The following FAM217A variants were observed in gnomAD, a reference collection of about 807,000 sequenced individuals.
FAM217A encodes the protein family with sequence similarity 217 member A.
FAM217A carries 13 observed loss-of-function variants against 18.5 expected under a neutral mutation model. The observed-to-expected ratio is 0.70, with a 90% CI of 0.46 to 1.12. FAM217A has a LOEUF of 1.12. Ranked by LOEUF, FAM217A falls within the 50% of genes most tolerant of loss-of-function variation. FAM217A has a pLI of 0.00. For missense variants in FAM217A, 560 were observed against 575.4 expected (o/e 0.97, Z 0.27); for synonymous variants, 161 against 202.8 (o/e 0.79, Z 1.75).
At chr6:4,071,427 G>A (rs1230556375) in intron 6 of FAM217A, among the ~76,000 whole-genome samples, 1 of 152,086 alleles carries the variant, frequency 6.6e-6, no homozygotes, top group South Asian at 2.1e-4. Flanking sequence ...GTTCTGTTTA[G>A]TCCTCACAGC....
intron 2 of FAM217A, among the ~76,000 whole-genome samples, chr6:4,077,088 G>T (rs112176045): frequency 1.2e-4 from 19 of 152,286 alleles, no homozygotes; most frequent in Non-Finnish European, 2.4e-4. Flanking sequence ...AGCACTGCCT[G>T]GTTGATAACA....
At chr6:4,078,253 C>G (rs1399996087) in intron 1 of FAM217A, among the ~76,000 whole-genome samples, 3 of 151,950 alleles carry the variant, frequency 2.0e-5, no homozygotes, top group African/African-American at 7.3e-5. Flanking sequence ...GGGGTTTCAC[C>G]ATGTTGGCCA....
chr6:4,077,833 C>G (rs554150039), intron 1 of FAM217A, among the ~76,000 whole-genome samples: 11 of 152,276 alleles, frequency 7.2e-5, no homozygotes, highest in African/African-American at 2.6e-4. Context: ...CATTTGAAAG[C>G]AGGGTTGAAC....
chr6:4,075,491 C>T (rs1769721203), intron 2 of FAM217A, among the ~76,000 whole-genome samples: 1 of 152,068 alleles, frequency 6.6e-6, no homozygotes, highest in East Asian at 1.9e-4. Context: ...AGGAAATATT[C>T]AAAAGAAAGC....
chr6:4,078,049 CTTT>C (rs10600748), intron 1 of FAM217A, among the ~76,000 whole-genome samples: 3 of 113,992 alleles, frequency 2.6e-5, no homozygotes, highest in African/African-American at 1.1e-4. Context: ...GAAAGAATCA[CTTT>C]TTTTTTTTTT....
chr6:4,069,925 A>T lies in FAM217A; in HGVS notation c.303-5T>A. 1 of 1,533,298 alleles carries T rather than the reference A, an allele frequency of 6.5e-7. No homozygotes were observed. The highest frequency in any genetic ancestry group is 8.8e-7 in the Non-Finnish European group (1 of 1,130,726). The allele number at this position is 1,533,298 out of a possible 1,614,324, so 95.0% of individuals were successfully genotyped here. Reference sequence around the variant, plus strand: ...ACTGAAGATTTTTTGAATTCCCTTTAAAAAATAATTTAATTAATGAATGGT... The same window carrying T: ...ACTGAAGATTTTTTGAATTCCCTTTTAAAAATAATTTAATTAATGAATGGT... On this transcript the variant is annotated splice_polypyrimidine_tract_variant and splice_region_variant and intron_variant, in intron 6 of 6. Coordinates refer to ENST00000274673, the MANE Select transcript of FAM217A (RefSeq NM_173563.3).
intron 6 of FAM217A, among the ~76,000 whole-genome samples, chr6:4,070,828 A>T (rs1444340028): frequency 6.6e-6 from 1 of 151,988 alleles, no homozygotes; most frequent in Non-Finnish European, 1.5e-5. Context: ...AACATGGCAA[A>T]ATTCTTGTCT....
intron 1 of FAM217A, among the ~76,000 whole-genome samples, chr6:4,086,415 C>G: frequency 7.0e-6 from 1 of 142,882 alleles, no homozygotes; most frequent in East Asian, 2.0e-4. Context: ...CATTACACTC[C>G]TGCCTGGGCA....
Position 4,074,693 on chromosome 6 carries a change from A to G in FAM217A, c.61-32T>C, listed in dbSNP as rs757278201. On this transcript the variant is annotated intron_variant, in intron 2 of 6. Coordinates refer to ENST00000274673, the MANE Select transcript of FAM217A (RefSeq NM_173563.3). Reference sequence around the variant, plus strand: ...CAATATTTGTTTTAGGATAAACTTAACATTAAGAAAACATAAAAAGCTCAA... The same window carrying G: ...CAATATTTGTTTTAGGATAAACTTAGCATTAAGAAAACATAAAAAGCTCAA... 1.6e-5 allele frequency: 24 copies of G among 1,478,178 alleles called. No individual in the cohort carries two copies. The South Asian group carries it at 2.8e-4, about 17-fold the overall frequency. 91.6% of individuals were successfully genotyped at this position (1,478,178 alleles called of 1,614,324 possible). A position where few individuals can be genotyped will look rare whatever the true frequency, so the allele number is the denominator to read the frequency against.
chr6:4,083,288 C>T (rs967552627), upstream of FAM217A, among the ~76,000 whole-genome samples: 13 of 152,318 alleles, frequency 8.5e-5, no homozygotes, highest in African/African-American at 3.1e-4. Flanking sequence ...CTGACTACCA[C>T]GTAACTACTT....
intron 6 of FAM217A, among the ~76,000 whole-genome samples, chr6:4,072,673 A>G (rs1769508278): frequency 6.6e-6 from 1 of 151,848 alleles, no homozygotes; most frequent in Non-Finnish European, 1.5e-5. Context: ...GAGGCAGGAG[A>G]ATTGCTTCAA....
Position 4,074,638 on chromosome 6 carries a change from A to G in FAM217A, c.84T>C (p.Asp28=), listed in dbSNP as rs1471962565. The G allele has an allele frequency of 1.2e-6, 2 of 1,612,956 alleles. No individual in the cohort carries two copies. The change falls in exon 3 of 7, where the codon GAT becomes GAC. Residue 28 remains aspartate, a synonymous_variant. Coordinates refer to ENST00000274673, the MANE Select transcript of FAM217A (RefSeq NM_173563.3). ...TATTTTCAGAAACAGGTACTTCTGA[A>G]TCCAAATTCCAGTGAGATAAGTTCT... ...SQENLSHWNL[D]SEVPVSENKN...
rs1769177736 is a variant in FAM217A, at chr6:4,068,578, AC to A, written c.*117del. Reference sequence around the variant, plus strand: ...GTTCTACTCCATATCACATCAAGCAACTGTTTGGTGATTTTGGGGGACTGTT... The same window carrying A: ...GTTCTACTCCATATCACATCAAGCAATGTTTGGTGATTTTGGGGGACTGTT... On this transcript the variant is annotated 3_prime_UTR_variant, in exon 7 of 7. Coordinates refer to ENST00000274673, the MANE Select transcript of FAM217A (RefSeq NM_173563.3). The A allele has an allele frequency of 8.7e-7, 1 of 1,142,990 alleles. No homozygotes were observed. The highest frequency in any genetic ancestry group is 1.2e-6 in the Non-Finnish European group (1 of 813,900). 70.8% of individuals were successfully genotyped at this position (1,142,990 alleles called of 1,614,324 possible).
chr6:4,086,039 C>G (rs1234905254), intron 1 of FAM217A, among the ~76,000 whole-genome samples: 1 of 151,748 alleles, frequency 6.6e-6, no homozygotes, highest in African/African-American at 2.4e-5. Context: ...TGCTTGAGCC[C>G]AGGAGGTCGA....
chr6:4,081,791 A>G (rs530925139), upstream of FAM217A, among the ~76,000 whole-genome samples: 1 of 152,314 alleles, frequency 6.6e-6, no homozygotes, highest in East Asian at 1.9e-4. Context: ...CTTGAGACAA[A>G]TTATGTGTGC....
intron 2 of FAM217A, among the ~76,000 whole-genome samples, chr6:4,075,110 G>A (rs575270395): frequency 2.2e-4 from 33 of 152,200 alleles, no homozygotes; most frequent in Admixed American, 1.6e-3. Flanking sequence ...GGCAGGTCAG[G>A]ATCACCTGAG....
chr6:4,070,952 C>T (rs1769363736), intron 6 of FAM217A, among the ~76,000 whole-genome samples: 1 of 151,172 alleles, frequency 6.6e-6, no homozygotes, highest in African/African-American at 2.4e-5. Context: ...GCCATGACTG[C>T]ACCACTACAC....
upstream of FAM217A, chr6:4,079,619 G>GGGCCCCCCCC: frequency 7.8e-7 from 1 of 1,281,920 alleles, no homozygotes; most frequent in Non-Finnish European, 1.0e-6. Flanking sequence ...CCGGGGCCCG[G>GGGCCCCCCCC]CCCACCCGCC....
chr6:4,078,119 T>C (rs1769975143), intron 1 of FAM217A, among the ~76,000 whole-genome samples: 1 of 148,044 alleles, frequency 6.8e-6, no homozygotes, highest in South Asian at 2.1e-4. Flanking sequence ...AGTGGCGCGA[T>C]CTCGGTTCAC....
Sources: gnomAD v4.1 joint callset for allele counts (sites outside exome capture counted in the v4.1 genomes callset) on GRCh38, gnomAD v4.1.1 for gene constraint, MANE v1.5 for transcripts, NCBI Gene and HGNC (gene_info 2026-07-23, HGNC 2026-07-21) for gene names.